STK32B: variants seen among roughly 807,000 people sequenced by gnomAD.
The protein encoded by STK32B is serine/threonine kinase 32B, also known as serine/threonine-protein kinase 32B.
In STK32B, 43 loss-of-function variants were observed where a neutral mutation model predicts 52.6. The ratio of observed to expected loss-of-function variants is 0.82; its 90% CI spans 0.64 to 1.05. The LOEUF (loss-of-function observed/expected upper bound fraction) is 1.05, where lower values mean the gene tolerates loss of function less well. Ranked by LOEUF, STK32B falls within the 50% of genes least tolerant of loss-of-function variation. STK32B has a pLI of 0.00. For missense variants in STK32B, 621 were observed against 534.6 expected (o/e 1.16, Z -1.59); for synonymous variants, 238 against 204.3 (o/e 1.17, Z -1.41).
chr4:5,472,018 TG>T (rs1426608139), intron 11 of STK32B, among the ~76,000 whole-genome samples: 1 of 152,174 alleles, frequency 6.6e-6, no homozygotes, highest in African/African-American at 2.4e-5. Flanking sequence ...AGAAAGCTCT[TG>T]GGGAGAGAGA....
chr4:5,487,363 AG>A (rs1240281005), intron 11 of STK32B, among the ~76,000 whole-genome samples: 1 of 152,210 alleles, frequency 6.6e-6, no homozygotes, highest in Non-Finnish European at 1.5e-5. Flanking sequence ...GGCATCACAA[AG>A]ATTGGAGAGG....
chr4:5,368,855 G>A (rs935208928), intron 4 of STK32B, among the ~76,000 whole-genome samples: 1 of 152,146 alleles, frequency 6.6e-6, no homozygotes, highest in Non-Finnish European at 1.5e-5. Context: ...ATTCATCCTT[G>A]CCATGCCAGA....
intron 7 of STK32B, chr4:5,446,979 G>GAA (rs1006101880): frequency 5.6e-6 from 3 of 533,764 alleles, no homozygotes; most frequent in Non-Finnish European, 1.0e-5. Flanking sequence ...GTACAGATGG[G>GAA]AAAGAGGCAT....
In STK32B at chr4:5,104,473, C is replaced by G. The variant is rs113815234; in HGVS notation, c.53-35432C>G. 5.5e-4 allele frequency among the ~76,000 whole-genome samples: 84 copies of G among 152,320 alleles called. 1 individual carries two copies. The highest frequency in any genetic ancestry group is 1.9e-3 in the African/African-American group (79 of 41,576). On this transcript the variant is annotated intron_variant, in intron 1 of 11. Coordinates refer to ENST00000282908, the MANE Select transcript of STK32B (RefSeq NM_018401.3). ...ATTATTATCAGATTAAGGAATTTAA[C>G]TCTATTTCTAGTTTGTTAAGTGTTT...
chr4:5,288,501 T>A (rs1030984412), intron 3 of STK32B, among the ~76,000 whole-genome samples: 3 of 152,204 alleles, frequency 2.0e-5, no homozygotes, highest in Non-Finnish European at 2.9e-5. Context: ...GTTGAACATC[T>A]TTTCATGGGT....
At chr4:5,122,557 T>G (rs1366773292) in intron 1 of STK32B, among the ~76,000 whole-genome samples, 1 of 135,222 alleles carries the variant, frequency 7.4e-6, no homozygotes, top group Non-Finnish European at 1.5e-5. Context: ...ACTCACTCAT[T>G]CACTCACTCA....
chr4:5,070,869 C>T (rs1305238375), intron 1 of STK32B, among the ~76,000 whole-genome samples: 1 of 152,098 alleles, frequency 6.6e-6, no homozygotes, highest in Non-Finnish European at 1.5e-5. Flanking sequence ...TCCGGCGGAA[C>T]CTCCTGAGTC....
intron 11 of STK32B, among the ~76,000 whole-genome samples, chr4:5,494,996 G>T (rs1351574467): frequency 1.3e-5 from 2 of 152,164 alleles, no homozygotes; most frequent in East Asian, 1.9e-4. Flanking sequence ...TTTCTCTCTG[G>T]CTGCCCTTAA....
chr4:5,317,161 CAT>C (rs1486551159), intron 3 of STK32B, among the ~76,000 whole-genome samples: 14 of 49,144 alleles, frequency 2.8e-4, no homozygotes, highest in East Asian at 2.0e-3. Flanking sequence ...ATACATATTA[CAT>C]ATATATAACA....
At chr4:5,044,344 C>T in the STK32B span, among the ~76,000 whole-genome samples, 1 of 152,140 alleles carries the variant, frequency 6.6e-6, no homozygotes, top group Non-Finnish European at 1.5e-5. Flanking sequence ...CTCTCCTAAA[C>T]CTCAGACACA....
At chr4:5,379,382 C>T (rs1400262561) in intron 4 of STK32B, among the ~76,000 whole-genome samples, 1 of 152,140 alleles carries the variant, frequency 6.6e-6, no homozygotes, top group Non-Finnish European at 1.5e-5. Flanking sequence ...AAACACAGCT[C>T]CTCCCGGGCT....
intron 3 of STK32B, among the ~76,000 whole-genome samples, chr4:5,312,677 A>G (rs1267334701): frequency 6.6e-6 from 1 of 151,822 alleles, no homozygotes; most frequent in African/African-American, 2.4e-5. Context: ...TTCTTAATCC[A>G]GTCTATCATT....
intron 6 of STK32B, chr4:5,436,498 C>A: frequency 1.5e-6 from 1 of 651,320 alleles, no homozygotes. Flanking sequence ...TCATCTGTGG[C>A]ATGTCAGAAA....
At chr4:5,196,149 G>C (rs1227803949) in intron 3 of STK32B, among the ~76,000 whole-genome samples, 6 of 152,092 alleles carry the variant, frequency 3.9e-5, no homozygotes, top group Admixed American at 1.3e-4. Flanking sequence ...TGGAGAGGGA[G>C]GGAGTGGTGT....
At chr4:5,245,550 T>C (rs890273532) in intron 3 of STK32B, among the ~76,000 whole-genome samples, 4 of 152,212 alleles carry the variant, frequency 2.6e-5, no homozygotes, top group African/African-American at 4.8e-5. Context: ...TGTCTTTTAA[T>C]TGGAGCATTT....
the STK32B span, among the ~76,000 whole-genome samples, chr4:5,035,738 T>C: frequency 6.6e-6 from 1 of 152,152 alleles, no homozygotes; most frequent in Non-Finnish European, 1.5e-5. Flanking sequence ...TCTGTACAAT[T>C]AGAATGTATT....
chr4:5,446,798 T>G (rs1242076720), intron 7 of STK32B, 22 bp downstream of exon 7: 2 of 1,611,114 alleles, frequency 1.2e-6, no homozygotes, highest in Admixed American at 1.7e-5. Flanking sequence ...ACCTGTGCGG[T>G]ACACACGAGG....
intron 7 of STK32B, among the ~76,000 whole-genome samples, chr4:5,449,709 A>G (rs1715807591): frequency 6.6e-6 from 1 of 152,072 alleles, no homozygotes; most frequent in African/African-American, 2.4e-5. Flanking sequence ...TCACCACCTG[A>G]GCTCCACCTC....
At position 5,162,898 on chromosome 4, in the gene STK32B, G is replaced by C. The variant is rs561451522; in HGVS notation, c.109-5401G>C. 3.3e-5 allele frequency among the ~76,000 whole-genome samples: 5 copies of C among 152,316 alleles called. No homozygotes were observed. The East Asian group carries it at 7.7e-4, about 24-fold the overall frequency. ...TCTAGAACACCTGTTGTGAGCTTGT[G>C]AGGCCAAAATGCTACATCAGTTTCA... On this transcript the variant is annotated intron_variant, in intron 2 of 11. Transcript: ENST00000282908.
Sources: allele counts gnomAD v4.1 joint callset (sites outside exome capture counted in the v4.1 genomes callset), GRCh38; gene constraint gnomAD v4.1.1; transcripts MANE v1.5; gene names NCBI Gene and HGNC (gene_info 2026-07-23, HGNC 2026-07-21).